Variants in C13orf46 observed in about 807,000 individuals in gnomAD.
C13orf46 encodes the protein uncharacterized protein C13orf46.
At chr13:113,939,628 C>T in the C13orf46 span, among the ~76,000 whole-genome samples, 3 of 152,206 alleles carry the variant, frequency 2.0e-5, no homozygotes, top group African/African-American at 7.2e-5. Context: ...TGAAGGGGGA[C>T]CTGCTCCAGG....
downstream of C13orf46, among the ~76,000 whole-genome samples, chr13:113,949,082 A>G (rs1594239134): frequency 6.6e-6 from 1 of 152,220 alleles, no homozygotes. Context: ...TTTGTGTTCA[A>G]TCACCAATGA....
chr13:113,952,126 A>G (rs1197569016), downstream of C13orf46, among the ~76,000 whole-genome samples: 6 of 152,210 alleles, frequency 3.9e-5, no homozygotes, highest in Admixed American at 3.9e-4. Context: ...AAACACACAG[A>G]ACACTTGGCA....
At chr13:113,944,495 TAGGTGTGTGATGGGCCCTCC>T in the C13orf46 span, among the ~76,000 whole-genome samples, 13 of 152,110 alleles carry the variant, frequency 8.5e-5, no homozygotes, top group African/African-American at 2.4e-4. Flanking sequence ...TGCGGCCCTG[TAGGTGTGTGATGGGCCCTCC>T]AGGTGTGTGA....
At chr13:113,944,509 G>C in the C13orf46 span, among the ~76,000 whole-genome samples, 1 of 152,044 alleles carries the variant, frequency 6.6e-6, no homozygotes, top group South Asian at 2.1e-4. Context: ...TGTGTGATGG[G>C]CCCTCCAGGT....
chr13:113,941,496 G>A, the C13orf46 span, among the ~76,000 whole-genome samples: 21 of 150,678 alleles, frequency 1.4e-4, no homozygotes, highest in East Asian at 5.9e-4. Flanking sequence ...GAGGCTGAGC[G>A]TTCGAGACCC....
chr13:113,931,303 G>A, the C13orf46 span, among the ~76,000 whole-genome samples: 1 of 150,938 alleles, frequency 6.6e-6, no homozygotes, highest in Non-Finnish European at 1.5e-5. Context: ...CGTCTGAGAG[G>A]CTCACTTTGC....
intron 2 of C13orf46, among the ~76,000 whole-genome samples, chr13:113,969,961 C>T (rs1409562632): frequency 2.0e-5 from 3 of 152,144 alleles, no homozygotes; most frequent in Non-Finnish European, 1.5e-5. Context: ...CCTGTTCCCA[C>T]GCTGAATTCC....
chr13:113,965,170 A>C (rs2052623820), intron 5 of C13orf46, among the ~76,000 whole-genome samples, 176 bp from the exon 6 acceptor site: 1 of 152,110 alleles, frequency 6.6e-6, no homozygotes, highest in Non-Finnish European at 1.5e-5. Context: ...AAGGAACTGC[A>C]CCCTTGATGA....
chr13:113,926,983 G>T, the C13orf46 span: 2 of 152,374 alleles, frequency 1.3e-5, no homozygotes, highest in East Asian at 3.9e-4. Context: ...CAAGGGTGCT[G>T]GGAGGTCCCA....
Position 113,965,884 on chromosome 13 carries a change from GTAATGGTGATGGTGA to G in C13orf46, c.505-905_505-891del, listed in dbSNP as rs1261195319. On this transcript the variant is annotated intron_variant, in intron 5 of 6. Transcript: ENST00000636427. Reference sequence around the variant, plus strand: ...GATGATGGTGATGGTGATGATGGTGGTAATGGTGATGGTGATGATGGCGATGGTGATGGTGACAAT... The same window carrying G: ...GATGATGGTGATGGTGATGATGGTGGTGATGGCGATGGTGATGGTGACAAT... Among the ~76,000 whole-genome samples, 5 of 122,614 alleles carry G rather than the reference GTAATGGTGATGGTGA, an allele frequency of 4.1e-5. No homozygotes were observed. The South Asian group carries it at 1.4e-3, about 35-fold the overall frequency. The allele number at this position is 122,614 out of a possible 152,430, so 80.4% of individuals were successfully genotyped here.
intron 1 of C13orf46, among the ~76,000 whole-genome samples, chr13:113,970,699 G>A (rs1318735590): frequency 6.6e-6 from 1 of 152,176 alleles, no homozygotes; most frequent in Non-Finnish European, 1.5e-5. Flanking sequence ...GGCTTGTCCA[G>A]GAAAATCCAC....
rs1324068937 is a variant in C13orf46, at chr13:113,958,591, C to G, written c.573-1752G>C. ...TGATGTGATTCTGCATGCGCCCAGC[C>G]CCCGCCGCCTGTCCAGGAACCGTGA... On this transcript the variant is annotated intron_variant, in intron 6 of 6. Coordinates refer to ENST00000636427, the MANE Select transcript of C13orf46 (RefSeq NM_001365455.2). Among the ~76,000 whole-genome samples, 3 of 152,346 alleles carry G rather than the reference C, an allele frequency of 2.0e-5. No individual in the cohort carries two copies. The East Asian group carries it at 5.8e-4, about 29-fold the overall frequency.
At chr13:113,927,692 T>G in the C13orf46 span, 3 of 398,508 alleles carry the variant, frequency 7.5e-6, no homozygotes, top group Admixed American at 4.4e-5. Context: ...GTTAGAAGCT[T>G]TGGCTGCATC....
chr13:113,946,103 CAT>C, the C13orf46 span, among the ~76,000 whole-genome samples: 1 of 152,240 alleles, frequency 6.6e-6, no homozygotes, highest in Non-Finnish European at 1.5e-5. Flanking sequence ...CTTGCTGACA[CAT>C]TTTTATTGCT....
At chr13:113,949,611 C>T (rs2052481291), downstream of C13orf46, among the ~76,000 whole-genome samples, 1 of 152,230 alleles carries the variant, frequency 6.6e-6, no homozygotes, top group African/African-American at 2.4e-5. Context: ...ATTCTGTCCC[C>T]TCTTGCAGGG....
chr13:113,960,860 C>T (rs2052581122), intron 6 of C13orf46, among the ~76,000 whole-genome samples: 1 of 152,254 alleles, frequency 6.6e-6, no homozygotes, highest in Non-Finnish European at 1.5e-5. Flanking sequence ...GAGGCAATCA[C>T]ACTGCAGGTT....
chr13:113,968,138 G>A (rs931038821), intron 4 of C13orf46, among the ~76,000 whole-genome samples: 60 of 152,224 alleles, frequency 3.9e-4, no homozygotes, highest in Non-Finnish European at 3.7e-4. Flanking sequence ...AGCATGACGT[G>A]TCCCTGGACA....
rs1018916520 is a variant in C13orf46, at chr13:113,968,037, C to T, written c.456+430G>A. ...AAAGCAAGGCCCGCCTGGCAAGCAG[C>T]GTGTCTGGTTGTGTTACCGTCCCCA... On this transcript the variant is annotated intron_variant, in intron 4 of 6. Transcript: ENST00000636427. Among the ~76,000 whole-genome samples, 698 of 152,236 alleles carry T rather than the reference C, an allele frequency of 4.6e-3. 15 individuals are homozygous for T. In the East Asian group the frequency reaches 0.066, roughly 14 times the overall value.
intron 2 of C13orf46, among the ~76,000 whole-genome samples, chr13:113,969,293 T>C (rs2052679825): frequency 6.6e-6 from 1 of 152,240 alleles, no homozygotes; most frequent in Non-Finnish European, 1.5e-5. Flanking sequence ...GCAATGGCGT[T>C]GACTTGGCCG....
Sources: gnomAD v4.1 joint callset for allele counts (sites outside exome capture counted in the v4.1 genomes callset) on GRCh38, gnomAD v4.1.1 for gene constraint, MANE v1.5 for transcripts, NCBI Gene and HGNC (gene_info 2026-07-23, HGNC 2026-07-21) for gene names.